The following RSRC2 variants were observed in gnomAD, a reference collection of about 807,000 sequenced individuals.
The protein encoded by RSRC2 is arginine and serine rich coiled-coil 2.
A neutral mutation model predicts 61.3 loss-of-function variants in RSRC2; 5 were observed. The observed-to-expected ratio is 0.08, with a 90% CI of 0.04 to 0.17. The LOEUF (loss-of-function observed/expected upper bound fraction) is 0.17. Among genes scored for constraint, RSRC2 ranks in the 10% least tolerant of loss-of-function variants. The pLI is 1.00. For synonymous variants in RSRC2, 202 were observed against 166.5 expected, an observed-to-expected ratio of 1.21 and a Z score of -1.64; for missense variants, 381 against 518.8, an observed-to-expected ratio of 0.73 and a Z score of 2.58.
chr12:122,521,428 T>A lies in RSRC2; in HGVS notation c.164A>T (p.Asp55Val). The change falls in exon 3 of 10, where the codon GAT (aspartate) becomes GTT (valine). Residue 55 changes from aspartate (D) to valine (V), a missense_variant and splice_region_variant. This residue lies in a region of RSRC2 where 266 missense variants were observed against 270.5 expected (regional missense o/e 0.98). Transcript: ENST00000331738. ...GCTCCTGTGTTTTCTTCCTTCATTA[T>A]CTGTGAATACACAAAAAAAATAATC... ...SRSRERKRKS[D>V]NEGRKHRSRS... 1 of 1,612,118 alleles carries A rather than the reference T, an allele frequency of 6.2e-7. No individual in the cohort carries two copies. Among genetic ancestry groups the A allele is most frequent in the African/African-American group, 1.3e-5 (1 of 75,004 alleles).
intron 5 of RSRC2, among the ~76,000 whole-genome samples, chr12:122,516,206 C>T (rs897766772): frequency 6.6e-6 from 1 of 151,998 alleles, no homozygotes; most frequent in African/African-American, 2.4e-5. Flanking sequence ...ATACACTGAC[C>T]TAAGTTGCAA....
intron 6 of RSRC2, among the ~76,000 whole-genome samples, chr12:122,512,971 C>T (rs1958637273): frequency 6.6e-6 from 1 of 151,816 alleles, no homozygotes; most frequent in Admixed American, 6.6e-5. Flanking sequence ...GGTGGGAAGA[C>T]TGCTTGAGGC....
rs953706700 is a variant in RSRC2 at position 122,509,483 on chromosome 12, C to A, written c.806-1036G>T. ...AAACAAAAACAAAAACAAAAAAAAACCCAAAAACAACAACAGTATGCAGGT... is the reference window on the plus strand; with the variant it reads ...AAACAAAAACAAAAACAAAAAAAAAACCAAAAACAACAACAGTATGCAGGT... On this transcript the variant is annotated intron_variant, in intron 7 of 9. Coordinates refer to ENST00000331738, the MANE Select transcript of RSRC2 (RefSeq NM_023012.6). 3.2e-4 allele frequency among the ~76,000 whole-genome samples: 48 copies of A among 150,710 alleles called. 1 individual carries two copies. The highest frequency in any genetic ancestry group is 1.1e-3 in the African/African-American group (44 of 40,990).
intron 3 of RSRC2, 175 bp downstream of exon 3, chr12:122,521,208 CAT>C: frequency 2.1e-6 from 1 of 486,170 alleles, no homozygotes; most frequent in Non-Finnish European, 3.7e-6. Flanking sequence ...GTACTTTTCA[CAT>C]AAACATCTTC....
intron 6 of RSRC2, 30 bp from the exon 7 acceptor site, chr12:122,511,218 TAAC>T: frequency 6.7e-7 from 1 of 1,491,684 alleles, no homozygotes; most frequent in Non-Finnish European, 9.3e-7. Flanking sequence ...GAATTTAAAA[TAAC>T]ACAATATAAA....
intron 5 of RSRC2, among the ~76,000 whole-genome samples, chr12:122,516,932 A>T (rs1207417320): frequency 6.6e-6 from 1 of 152,174 alleles, no homozygotes; most frequent in Non-Finnish European, 1.5e-5. Flanking sequence ...GGCTCAAAAA[A>T]TCTGCTCGCC....
chr12:122,525,509 G>A (rs1224881898), intron 1 of RSRC2, among the ~76,000 whole-genome samples: 1 of 151,802 alleles, frequency 6.6e-6, no homozygotes, highest in African/African-American at 2.4e-5. Context: ...TAATAGAGGG[G>A]TATGGGGGAA....
Position 122,505,449 on chromosome 12 carries a change from G to A in RSRC2, c.*78C>T. ...ATGCAACACCCATGCAAGCTAGAGT[G>A]CTAGCTGTTTGGTGAACAAGGACGT... On this transcript the variant is annotated 3_prime_UTR_variant, in exon 10 of 10. Coordinates refer to ENST00000331738, the MANE Select transcript of RSRC2 (RefSeq NM_023012.6). The A allele has an allele frequency of 1.5e-6, 2 of 1,316,242 alleles. No homozygotes were observed. The highest frequency in any genetic ancestry group is 2.1e-6 in the Non-Finnish European group (2 of 935,310). 81.5% of individuals were successfully genotyped at this position (1,316,242 alleles called of 1,614,324 possible). A position where few individuals can be genotyped will look rare whatever the true frequency, so the allele number is the denominator to read the frequency against.
chr12:122,513,241 AAAT>A (rs1555213571), intron 6 of RSRC2, among the ~76,000 whole-genome samples: 53 of 34,042 alleles, frequency 1.6e-3, no homozygotes, highest in African/African-American at 3.8e-3. Flanking sequence ...ATAAATAAAT[AAAT>A]AAAATAAAAT....
chr12:122,524,888 C>A (rs1959834906), intron 1 of RSRC2, among the ~76,000 whole-genome samples: 1 of 152,166 alleles, frequency 6.6e-6, no homozygotes, highest in Non-Finnish European at 1.5e-5. Flanking sequence ...AGTGGCTCTA[C>A]GAGGTAGCCA....
intron 1 of RSRC2, chr12:122,523,276 G>A (rs1222531661): frequency 6.6e-6 from 1 of 152,222 alleles, no homozygotes; most frequent in African/African-American, 2.4e-5. Flanking sequence ...AGCACTTTGG[G>A]AGGTTGAGGC....
rs758222992 is a variant in RSRC2, at chr12:122,507,039, T to TG, written c.1036-117dup. The TG allele has an allele frequency of 1.3e-5, 9 of 682,862 alleles. 1 individual carries two copies. In the Admixed American group the frequency reaches 1.5e-4, roughly 11 times the overall value. 42.3% of individuals were successfully genotyped at this position (682,862 alleles called of 1,614,324 possible). On this transcript the variant is annotated intron_variant, in intron 8 of 9. Transcript: ENST00000331738. ...AACACCATGGATAGCATTCAATCAA[T>TG]GTAAGTTTAATTATTTCAAGACTTA... is the stretch of plus-strand genomic sequence containing the variant.
chr12:122,507,904 G>A (rs578114820), intron 8 of RSRC2: 26 of 392,038 alleles, frequency 6.6e-5, no homozygotes, highest in South Asian at 5.6e-4. Context: ...AGGCTCAAGC[G>A]ATTCTCCTGC....
chr12:122,514,676 T>A, intron 6 of RSRC2: 1 of 1,144,488 alleles, frequency 8.7e-7, no homozygotes, highest in Non-Finnish European at 1.1e-6. Context: ...TTAATTGCCA[T>A]CTTCAAAATA....
intron 1 of RSRC2, chr12:122,526,215 C>G (rs991241400): frequency 6.6e-6 from 1 of 152,306 alleles, no homozygotes; most frequent in Admixed American, 6.6e-5. Context: ...CGGGCCACTT[C>G]GGAAACCGCG....
At chr12:122,515,057 A>G in intron 6 of RSRC2, 48 bp downstream of exon 6, 2 of 1,589,028 alleles carry the variant, frequency 1.3e-6, no homozygotes, top group African/African-American at 1.4e-5. Flanking sequence ...ACAATTGAGC[A>G]TTTATTTAAA....
chr12:122,523,224 G>A (rs1242688259), intron 1 of RSRC2: 1 of 152,214 alleles, frequency 6.6e-6, no homozygotes, highest in Non-Finnish European at 1.5e-5. Context: ...TAAAACTAAA[G>A]GCACTTAAAA....
At chr12:122,522,102 T>A in intron 2 of RSRC2, 41 bp downstream of exon 2, 1 of 1,573,760 alleles carries the variant, frequency 6.4e-7, no homozygotes, top group Non-Finnish European at 8.6e-7. Flanking sequence ...ACATATCTTA[T>A]ACAAATGCTG....
At chr12:122,518,405 C>G (rs1369813264) in intron 4 of RSRC2, among the ~76,000 whole-genome samples, 2 of 152,026 alleles carry the variant, frequency 1.3e-5, no homozygotes, top group African/African-American at 2.4e-5. Context: ...CCAGCCTGGC[C>G]AACATGGCGA....
Sources: allele counts gnomAD v4.1 joint callset (sites outside exome capture counted in the v4.1 genomes callset), GRCh38; gene constraint gnomAD v4.1.1; regional missense constraint gnomAD v4.1.1; transcripts MANE v1.5; gene names NCBI Gene and HGNC (gene_info 2026-07-23, HGNC 2026-07-21).